Variants in TOP1 observed in about 807,000 individuals in gnomAD.
The protein encoded by TOP1 is DNA topoisomerase 1.
In TOP1, 10 loss-of-function variants were observed where a neutral mutation model predicts 111.1. The observed-to-expected ratio is 0.09, with a 90% CI of 0.06 to 0.15. The LOEUF is 0.15. Ranked by LOEUF, TOP1 falls within the 10% of genes least tolerant of loss-of-function variation. TOP1 has a pLI of 1.00. For missense variants in TOP1, 474 were observed against 926.7 expected (o/e 0.51, Z 6.34); for synonymous variants, 271 against 302.9 (o/e 0.89, Z 1.10).
At chr20:41,113,034 T>A in intron 14 of TOP1, 109 bp downstream of exon 14, 7 of 1,108,090 alleles carry the variant, frequency 6.3e-6, no homozygotes, top group East Asian at 2.6e-5. Flanking sequence ...TCAACATACA[T>A]ATATTTGTAT....
At position 41,058,850 on chromosome 20, in the gene TOP1, G is replaced by C. The variant is rs2033507245; in HGVS notation, c.59-2544G>C. Among the ~76,000 whole-genome samples the C allele has an allele frequency of 6.6e-6, 1 of 152,090 alleles. No homozygotes were observed. Among genetic ancestry groups the C allele is most frequent in the Non-Finnish European group, 1.5e-5 (1 of 68,018 alleles). On this transcript the variant is annotated intron_variant, in intron 2 of 20. Transcript: ENST00000361337. The surrounding 1 kb of genome is among the most constrained non-coding windows in gnomAD (Gnocchi z 4.2). ...GAAAACGCCAAGACAATTTAATGGG[G>C]AAAGGGCCATCTTTTAAAAAATAAT...
chr20:41,070,154 G>A (rs2033653699), intron 3 of TOP1, among the ~76,000 whole-genome samples: 2 of 152,170 alleles, frequency 1.3e-5, no homozygotes, highest in Non-Finnish European at 2.9e-5. Context: ...ATAAGACTTA[G>A]CTACAAATGA....
In TOP1 at chr20:41,102,431, G is replaced by A. The variant is rs1446735828; in HGVS notation, c.1308+1078G>A. 6.6e-6 allele frequency among the ~76,000 whole-genome samples: 1 copy of A among 152,114 alleles called. No individual in the cohort carries two copies. ...TCGAGACCAGCCTGGACAACATGGC[G>A]AAACCCTGTCTCTACTAAAAATACA... On this transcript the variant is annotated intron_variant, in intron 13 of 20. Coordinates refer to ENST00000361337, the MANE Select transcript of TOP1 (RefSeq NM_003286.4). The surrounding 1 kb of genome is among the most constrained non-coding windows in gnomAD (Gnocchi z 4.0).
chr20:41,118,300 T>A lies in TOP1; in HGVS notation c.1950+4T>A. On this transcript the variant is annotated splice_donor_region_variant and intron_variant, in intron 18 of 20. Transcript: ENST00000361337. This position sits in a 1 kb window ranked among gnomAD's most constrained non-coding sequence, Gnocchi z 4.6. ...TATGATGAACTTGCAAACTAAGGTA[T>A]CTTGGATAAAATGAAGGGAACTGTG... 6.2e-7 allele frequency: 1 copy of A among 1,613,970 alleles called. No individual in the cohort carries two copies. Among genetic ancestry groups the A allele is most frequent in the Non-Finnish European group, 8.5e-7 (1 of 1,179,914 alleles).
rs2033097061 is a variant in TOP1 at position 41,029,941 on chromosome 20, A to G, written c.58+486A>G. 6.6e-6 allele frequency among the ~76,000 whole-genome samples: 1 copy of G among 152,166 alleles called. No homozygotes were observed. Among genetic ancestry groups the G allele is most frequent in the South Asian group, 2.1e-4 (1 of 4,808 alleles). On this transcript the variant is annotated intron_variant, in intron 2 of 20. Transcript: ENST00000361337. This position sits in a 1 kb window ranked among gnomAD's most constrained non-coding sequence, Gnocchi z 6.1. The stretch of plus-strand genomic sequence containing the variant: ...GGGGGACTGAATTATTATTTTTTAA[A>G]CTTTATTTTGGGGGTTATTCCCTTT...
intron 2 of TOP1, among the ~76,000 whole-genome samples, chr20:41,050,047 C>G (rs1435046740): frequency 6.6e-6 from 1 of 152,198 alleles, no homozygotes; most frequent in African/African-American, 2.4e-5. Flanking sequence ...GGCAGAGTTT[C>G]ACTCTTGTTG....
chr20:41,050,279 A>G (rs775741092), intron 2 of TOP1, among the ~76,000 whole-genome samples: 15 of 152,168 alleles, frequency 9.9e-5, no homozygotes, highest in Non-Finnish European at 2.2e-4. Context: ...TGGCCTCCCA[A>G]AGTGCTGGGA....
In TOP1 at chr20:41,112,570, A is replaced by G. The variant is rs1310898360; in HGVS notation, c.1309-212A>G. On this transcript the variant is annotated intron_variant, in intron 13 of 20. Transcript: ENST00000361337. The surrounding 1 kb of genome is among the most constrained non-coding windows in gnomAD (Gnocchi z 5.8). The stretch of plus-strand genomic sequence containing the variant: ...AGGTCAAGTTCCTGCTCTTTTGTTC[A>G]AAGTCTTGCTTTGTCACCCATGGTG... 2.6e-5 allele frequency among the ~76,000 whole-genome samples: 4 copies of G among 152,226 alleles called. No homozygotes were observed. Among genetic ancestry groups the G allele is most frequent in the Non-Finnish European group, 5.9e-5 (4 of 68,042 alleles).
At chr20:41,089,272 C>T (rs555107023) in intron 8 of TOP1, among the ~76,000 whole-genome samples, 106 of 152,216 alleles carry the variant, frequency 7.0e-4, no homozygotes, top group East Asian at 2.1e-3. Flanking sequence ...ATGATCTGCC[C>T]GCCTTGGCCT....
chr20:41,113,066 C>A (rs2034267757), intron 14 of TOP1, 141 bp downstream of exon 14: 4 of 875,008 alleles, frequency 4.6e-6, no homozygotes, highest in Non-Finnish European at 6.8e-6. Context: ...TCAAAAGTTG[C>A]ACAAAACAAT....
At position 41,061,466 on chromosome 20, in the gene TOP1, G is replaced by A. The variant is rs1316906747; in HGVS notation, c.131G>A (p.Arg44Gln). ...AAAGAACACAAGAAGGAGAAGGACC[G>A]GGAAAAGTCCAAGCATAGCAACAGG... ...RHKEHKKEKDREKSKHSNSEH... is the reference protein window; with the variant it reads ...RHKEHKKEKDQEKSKHSNSEH... The change falls in exon 3 of 21, where the codon CGG (arginine) becomes CAG (glutamine). Residue 44 changes from arginine to glutamine, a missense_variant. Around this residue, in one of 14 missense-constraint regions of TOP1, gnomAD observed 185 missense variants for 226.3 expected, o/e 0.82. Coordinates refer to ENST00000361337, the MANE Select transcript of TOP1 (RefSeq NM_003286.4). The surrounding 1 kb of genome is among the most constrained non-coding windows in gnomAD (Gnocchi z 4.6). The A allele has an allele frequency of 1.2e-6, 2 of 1,608,158 alleles. No homozygotes were observed. Among genetic ancestry groups the A allele is most frequent in the East Asian group, 2.2e-5 (1 of 44,624 alleles).
chr20:41,043,024 T>C (rs2033287559), intron 2 of TOP1, among the ~76,000 whole-genome samples: 1 of 152,206 alleles, frequency 6.6e-6, no homozygotes. Flanking sequence ...AAAACCCTCA[T>C]GTAAGTGGAC....
At chr20:41,066,428 A>G (rs551687632) in intron 3 of TOP1, among the ~76,000 whole-genome samples, 67 of 152,306 alleles carry the variant, frequency 4.4e-4, no homozygotes, top group Admixed American at 2.2e-3. Context: ...GAAGCTCTTC[A>G]GTTGTGAACT....
At chr20:41,043,645 A>G (rs560354691) in intron 2 of TOP1, among the ~76,000 whole-genome samples, 1 of 152,160 alleles carries the variant, frequency 6.6e-6, no homozygotes, top group Non-Finnish European at 1.5e-5. Context: ...CAGCACACTT[A>G]AAGTCTTTAT....
chr20:41,117,459 C>T (rs2034350563), intron 17 of TOP1, among the ~76,000 whole-genome samples: 1 of 135,956 alleles, frequency 7.4e-6, no homozygotes, highest in South Asian at 2.4e-4. Context: ...GATCTCGGCT[C>T]ACTGCAAGCT....
rs1359960464 is a variant in TOP1 at position 41,092,177 on chromosome 20, T to TCC, written c.615-293_615-292dup. On this transcript the variant is annotated intron_variant, in intron 8 of 20. Transcript: ENST00000361337. This position sits in a 1 kb window ranked among gnomAD's most constrained non-coding sequence, Gnocchi z 4.3. Reference sequence around the variant, plus strand: ...TAAAACAACTGTTTACATTTTCAAGTCCCTCACTTGTTACTGAGCTCCTTC... The same window carrying TCC: ...TAAAACAACTGTTTACATTTTCAAGTCCCCCTCACTTGTTACTGAGCTCCTTC... 6.6e-6 allele frequency among the ~76,000 whole-genome samples: 1 copy of TCC among 152,246 alleles called. No homozygotes were observed. Among genetic ancestry groups the TCC allele is most frequent in the Non-Finnish European group, 1.5e-5 (1 of 68,042 alleles).
chr20:41,066,557 C>CTTTTTTTTTTTTTTTT (rs776922601), intron 3 of TOP1, among the ~76,000 whole-genome samples: 1 of 129,402 alleles, frequency 7.7e-6, no homozygotes, highest in African/African-American at 2.9e-5. Flanking sequence ...CTTTTCTTTT[C>CTTTTTTTTTTTTTTTT]TTTTTTTTTT....
In TOP1 at chr20:41,110,613, T is replaced by C. The variant is rs941187610; in HGVS notation, c.1309-2169T>C. 2.6e-5 allele frequency among the ~76,000 whole-genome samples: 4 copies of C among 152,300 alleles called. No individual in the cohort carries two copies. Among genetic ancestry groups the C allele is most frequent in the East Asian group, 3.9e-4 (2 of 5,186 alleles). On this transcript the variant is annotated intron_variant, in intron 13 of 20. Transcript: ENST00000361337. The surrounding 1 kb of genome is among the most constrained non-coding windows in gnomAD (Gnocchi z 4.2). ...TAGCAGCTATATTAGAGAGACAATA[T>C]AGTGGGCCTACTAGTTTTAAAAAGT... is the stretch of plus-strand genomic sequence containing the variant.
chr20:41,031,606 T>C (rs1473406685), intron 2 of TOP1, among the ~76,000 whole-genome samples: 1 of 152,230 alleles, frequency 6.6e-6, no homozygotes, highest in African/African-American at 2.4e-5. Context: ...CTCAGCTCTT[T>C]CCATGGATCA....
Sources: allele counts gnomAD v4.1 joint callset (sites outside exome capture counted in the v4.1 genomes callset), GRCh38; gene constraint gnomAD v4.1.1; regional missense constraint gnomAD v4.1.1; non-coding constraint Gnocchi (gnomAD v3.1); transcripts MANE v1.5; gene names NCBI Gene and HGNC (gene_info 2026-07-23, HGNC 2026-07-21).